The following CCDC6 variants were observed in gnomAD, a reference collection of about 807,000 sequenced individuals.
CCDC6 encodes the protein coiled-coil domain containing 6.
In CCDC6, 20 loss-of-function variants were observed where a neutral mutation model predicts 56.6. That is an observed-to-expected ratio of 0.35 (90% CI 0.25 to 0.51). The LOEUF (loss-of-function observed/expected upper bound fraction) is 0.51, where lower values mean the gene tolerates loss of function less well. Among genes scored for constraint, CCDC6 ranks in the 20% least tolerant of loss-of-function variants. The probability of loss-of-function intolerance (pLI) is 0.95; values close to 1 mark genes in which losing one functional copy is unlikely to be tolerated. For synonymous variants in CCDC6, 241 were observed against 234.4 expected, an observed-to-expected ratio of 1.03 and a Z score of -0.26; for missense variants, 367 against 601.1, an observed-to-expected ratio of 0.61 and a Z score of 4.07.
intron 1 of CCDC6, among the ~76,000 whole-genome samples, chr10:59,863,106 A>G (rs2071148032): frequency 6.6e-6 from 1 of 152,224 alleles, no homozygotes; most frequent in Non-Finnish European, 1.5e-5. Context: ...GAAGCTGCAA[A>G]AAAAATACAT....
intron 1 of CCDC6, among the ~76,000 whole-genome samples, chr10:59,876,512 C>T (rs574661846): frequency 4.8e-4 from 72 of 151,046 alleles, no homozygotes; most frequent in African/African-American, 1.7e-3. Context: ...CTTTTTTTTC[C>T]CTTAACTAGG....
At chr10:59,859,858 A>G (rs1564750467) in intron 1 of CCDC6, among the ~76,000 whole-genome samples, 1 of 152,060 alleles carries the variant, frequency 6.6e-6, no homozygotes, top group Non-Finnish European at 1.5e-5. Context: ...TGAGGCCGGC[A>G]TATCACTTGA....
intron 2 of CCDC6, among the ~76,000 whole-genome samples, chr10:59,846,353 T>C (rs2070991326): frequency 6.6e-6 from 1 of 152,200 alleles, no homozygotes; most frequent in Non-Finnish European, 1.5e-5. Context: ...AATAATTCTG[T>C]TGCATGATAT....
chr10:59,906,251 C>T lies in CCDC6; in HGVS notation c.174G>A (p.Glu58=). 1 of 1,613,204 alleles carries T rather than the reference C, an allele frequency of 6.2e-7. No homozygotes were observed. Among genetic ancestry groups the T allele is most frequent in the Non-Finnish European group, 8.5e-7 (1 of 1,179,844 alleles). ...GIVISPFRLE[E]LTNRLASLQQ... ...GCAGCGAGGCCAGGCGGTTGGTGAG[C>T]TCCTCCAGGCGGAACGGCGAGATGA... Residue 58 remains glutamate, a synonymous_variant, in exon 1 of 9, where the codon GAG becomes GAA. Coordinates refer to ENST00000263102, the MANE Select transcript of CCDC6 (RefSeq NM_005436.5).
At chr10:59,820,052 A>T (rs184848363) in intron 3 of CCDC6, among the ~76,000 whole-genome samples, 17 of 145,100 alleles carry the variant, frequency 1.2e-4, no homozygotes, top group Admixed American at 1.1e-3. Flanking sequence ...TCAATGAATA[A>T]ACTTAATATA....
intron 1 of CCDC6, among the ~76,000 whole-genome samples, chr10:59,905,767 C>T (rs986553135): frequency 6.6e-6 from 1 of 152,112 alleles, no homozygotes; most frequent in Non-Finnish European, 1.5e-5. Context: ...ACGCACCCCT[C>T]AAACATGCTA....
intron 1 of CCDC6, among the ~76,000 whole-genome samples, chr10:59,897,417 C>G (rs1046119647): frequency 7.2e-5 from 11 of 152,014 alleles, no homozygotes; most frequent in African/African-American, 2.4e-4. Context: ...CCATGCCCAG[C>G]TAATTTTTTG....
At chr10:59,893,804 G>GT (rs74378340) in intron 1 of CCDC6, among the ~76,000 whole-genome samples, 16,565 of 152,014 alleles carry the variant, frequency 0.11, 1,237 homozygotes, top group East Asian at 0.23. Context: ...GAACAGCTGT[G>GT]TTAAGGTTAT....
intron 2 of CCDC6, among the ~76,000 whole-genome samples, chr10:59,839,859 C>T (rs7070800): frequency 0.51 from 78,128 of 151,934 alleles, 21,857 homozygotes; most frequent in African/African-American, 0.75. Flanking sequence ...CAGAGTCTCA[C>T]TCTGTCGCCA....
At chr10:59,844,953 G>A (rs1302310061) in intron 2 of CCDC6, among the ~76,000 whole-genome samples, 1 of 152,144 alleles carries the variant, frequency 6.6e-6, no homozygotes, top group Admixed American at 6.5e-5. Context: ...GAAATAGGAA[G>A]GTGAGGACAG....
rs917927237 is a variant in CCDC6 at position 59,789,752 on chromosome 10, G to A, written c.*3165C>T. ...GAGCTCTCAAAGCACAAGTTACTAT[G>A]CTTTTTCTTGCCTTATTGGGCATTC... On this transcript the variant is annotated 3_prime_UTR_variant, in exon 9 of 9. Transcript: ENST00000263102. 3 of 221,430 alleles carry A rather than the reference G, an allele frequency of 1.4e-5. No homozygotes were observed. The highest frequency in any genetic ancestry group is 6.7e-5 in the African/African-American group (3 of 44,726). The allele number at this position is 221,430 out of a possible 1,614,324, so 13.7% of individuals were successfully genotyped here. A position where few individuals can be genotyped will look rare whatever the true frequency, so the allele number is the denominator to read the frequency against.
intron 2 of CCDC6, among the ~76,000 whole-genome samples, chr10:59,837,152 T>A (rs1279001493): frequency 6.6e-6 from 1 of 152,194 alleles, no homozygotes; most frequent in Non-Finnish European, 1.5e-5. Context: ...ACCAGGCCTT[T>A]TACATAATAG....
chr10:59,822,565 C>T (rs2070757247), intron 3 of CCDC6, among the ~76,000 whole-genome samples: 2 of 152,162 alleles, frequency 1.3e-5, no homozygotes, highest in African/African-American at 4.8e-5. Flanking sequence ...TGCAAATATA[C>T]TATCAGATCA....
intron 1 of CCDC6, among the ~76,000 whole-genome samples, chr10:59,857,640 G>T (rs1039026371): frequency 6.6e-6 from 1 of 151,722 alleles, no homozygotes; most frequent in Non-Finnish European, 1.5e-5. Flanking sequence ...TCAGGAGAAA[G>T]TTCAAGTGCC....
chr10:59,808,003 G>GGT (rs1188687264), intron 5 of CCDC6, among the ~76,000 whole-genome samples: 2 of 152,094 alleles, frequency 1.3e-5, no homozygotes, highest in African/African-American at 2.4e-5. Context: ...TCTAATTTGT[G>GGT]GTGTGTGTGT....
intron 1 of CCDC6, among the ~76,000 whole-genome samples, chr10:59,889,904 C>T (rs568413491): frequency 6.6e-6 from 1 of 152,252 alleles, no homozygotes; most frequent in Admixed American, 6.5e-5. Context: ...TGTCTCATCA[C>T]CCACCCCACT....
intron 1 of CCDC6, among the ~76,000 whole-genome samples, chr10:59,870,463 T>A (rs2071218594): frequency 6.6e-6 from 1 of 152,164 alleles, no homozygotes; most frequent in Admixed American, 6.5e-5. Flanking sequence ...ACTTGGTAGC[T>A]CTAACTCTTC....
At chr10:59,834,357 AC>A (rs1426885495) in intron 2 of CCDC6, among the ~76,000 whole-genome samples, 1 of 149,334 alleles carries the variant, frequency 6.7e-6, no homozygotes, top group African/African-American at 2.5e-5. Context: ...ACATGGTGAA[AC>A]CCTGTCTCTA....
At chr10:59,800,163 C>T (rs568316872) in intron 7 of CCDC6, among the ~76,000 whole-genome samples, 15 of 152,322 alleles carry the variant, frequency 9.8e-5, no homozygotes, top group Admixed American at 7.8e-4. Context: ...CCTGATTACA[C>T]CCTACATAAC....
Sources: allele counts gnomAD v4.1 joint callset (sites outside exome capture counted in the v4.1 genomes callset), GRCh38; gene constraint gnomAD v4.1.1; transcripts MANE v1.5; gene names NCBI Gene and HGNC (gene_info 2026-07-23, HGNC 2026-07-21).